The following APOOL variants were observed in gnomAD, a reference collection of about 807,000 sequenced individuals.
APOOL encodes the protein MICOS complex subunit MIC27.
Under a neutral mutation model 23.1 loss-of-function variants are expected in APOOL, and 12 were observed. That is an observed-to-expected ratio of 0.52 (90% confidence interval 0.33 to 0.84). APOOL has a LOEUF of 0.84. APOOL is among the 40% of genes least tolerant of loss of function. The probability of loss-of-function intolerance (pLI) is 0.02; values close to 1 mark genes in which losing one functional copy is unlikely to be tolerated. For missense variants in APOOL, 212 were observed against 199.6 expected, an observed-to-expected ratio of 1.06 and a Z score of -0.37; for synonymous variants, 77 against 69.9, an observed-to-expected ratio of 1.10 and a Z score of -0.51.
At chrX:85,021,761 C>A (rs1426091610) in intron 1 of APOOL, among the ~76,000 whole-genome samples, 1 of 111,479 alleles carries the variant, frequency 9.0e-6, no homozygotes, top group Admixed American at 9.6e-5. Flanking sequence ...AAGATCAGAG[C>A]ACAAATAAAT....
intron 5 of APOOL, among the ~76,000 whole-genome samples, chrX:85,065,914 C>CT (rs1465515051): frequency 9.0e-6 from 1 of 111,044 alleles, no homozygotes; most frequent in Non-Finnish European, 1.9e-5. Flanking sequence ...TTCTGCATAC[C>CT]ACAAAAGTCT....
In APOOL at chrX:85,036,512, G is replaced by A. The variant is rs1922222087; in HGVS notation, c.16-9934G>A. 2.7e-5 allele frequency among the ~76,000 whole-genome samples: 3 copies of A among 110,666 alleles called. No homozygotes were observed. In the South Asian group the frequency reaches 1.2e-3, roughly 42 times the overall value. On this transcript the variant is annotated intron_variant, in intron 1 of 8. Coordinates refer to ENST00000373173, the MANE Select transcript of APOOL (RefSeq NM_198450.6). ...GGACTTCCAGTACTATATTGACTAG[G>A]CATGAAAAGAGTGCACATCCTTGTC...
At chrX:85,073,501 A>C (rs1276429247) in intron 6 of APOOL, among the ~76,000 whole-genome samples, 1 of 111,317 alleles carries the variant, frequency 9.0e-6, no homozygotes, top group Non-Finnish European at 1.9e-5. Flanking sequence ...TGGAGGAATT[A>C]GTTGATGCCT....
At chrX:85,027,841 T>C in intron 1 of APOOL, among the ~76,000 whole-genome samples, 1 of 112,088 alleles carries the variant, frequency 8.9e-6, no homozygotes. Flanking sequence ...TTTTACTAGT[T>C]TGATAGGTGT....
Position 85,090,139 on chromosome X carries a change from G to A in APOOL, c.*2461G>A, listed in dbSNP as rs1397562499. The A allele has an allele frequency of 9.0e-6, 1 of 110,770 alleles. No homozygotes were observed. The highest frequency in any genetic ancestry group is 1.9e-5 in the Non-Finnish European group (1 of 52,998). 9.1% of individuals were successfully genotyped at this position (110,770 alleles called of 1,213,427 possible). On this transcript the variant is annotated 3_prime_UTR_variant, in exon 9 of 9. Coordinates refer to ENST00000373173, the MANE Select transcript of APOOL (RefSeq NM_198450.6). ...CACAAGATGTCTGCTGTACCTCCAG[G>A]GAGCAGATACACATTCAAAGTAGGA...
At chrX:85,034,949 A>C (rs748239436) in intron 1 of APOOL, among the ~76,000 whole-genome samples, 1 of 111,998 alleles carries the variant, frequency 8.9e-6, no homozygotes, top group Non-Finnish European at 1.9e-5. Flanking sequence ...ATGGTAAAAT[A>C]ATTTATATTC....
intron 1 of APOOL, among the ~76,000 whole-genome samples, chrX:85,016,064 T>C (rs1433183970): frequency 9.1e-6 from 1 of 110,324 alleles, no homozygotes; most frequent in African/African-American, 3.3e-5. Context: ...CTTTTGAAGG[T>C]TATCTCATTC....
intron 8 of APOOL, among the ~76,000 whole-genome samples, chrX:85,075,127 C>T (rs1923795177): frequency 9.0e-6 from 1 of 110,645 alleles, no homozygotes; most frequent in Admixed American, 9.8e-5. Flanking sequence ...GCTAAGTTGT[C>T]TTATTGCAAA....
intron 5 of APOOL, 98 bp downstream of exon 5, chrX:85,056,023 C>A: frequency 1.8e-6 from 1 of 547,081 alleles, no homozygotes; most frequent in Non-Finnish European, 2.8e-6. Context: ...TGAATATTAT[C>A]TGGATAGGCT....
intron 6 of APOOL, among the ~76,000 whole-genome samples, chrX:85,068,950 T>C (rs1923567593): frequency 9.0e-6 from 1 of 111,574 alleles, no homozygotes; most frequent in South Asian, 3.7e-4. Flanking sequence ...GATCATAGTA[T>C]GTGTCTTATT....
rs967164244 is a variant in APOOL, at chrX:85,092,769, A to G, written c.*5091A>G. ...CTTTAAAGCCCTCTTTAAAATCTCA[A>G]AACTGATTTGCAAAGCCTTTATCAT... is the stretch of plus-strand genomic sequence containing the variant. On this transcript the variant is annotated 3_prime_UTR_variant, in exon 9 of 9. Transcript: ENST00000373173. The G allele has an allele frequency of 9.8e-5, 37 of 377,666 alleles. No individual in the cohort carries two copies. Among genetic ancestry groups the G allele is most frequent in the African/African-American group, 8.6e-4 (34 of 39,527 alleles). 31.1% of individuals were successfully genotyped at this position (377,666 alleles called of 1,213,427 possible). A position where few individuals can be genotyped will look rare whatever the true frequency, so the allele number is the denominator to read the frequency against.
chrX:85,012,634 G>A (rs1001900492), intron 1 of APOOL, among the ~76,000 whole-genome samples: 1 of 111,503 alleles, frequency 9.0e-6, no homozygotes, highest in Non-Finnish European at 1.9e-5. Context: ...TTTTAATTCC[G>A]TTTATGTGAT....
At chrX:85,085,139 G>T (rs1435506211) in intron 8 of APOOL, among the ~76,000 whole-genome samples, 1 of 111,523 alleles carries the variant, frequency 9.0e-6, no homozygotes, top group Non-Finnish European at 1.9e-5. Context: ...TCTAACAATA[G>T]GTCTAATAAC....
intron 3 of APOOL, among the ~76,000 whole-genome samples, chrX:85,052,393 A>G (rs1265418275): frequency 9.0e-6 from 1 of 111,727 alleles, no homozygotes; most frequent in Non-Finnish European, 1.9e-5. Flanking sequence ...TTTCATTATC[A>G]TCACATAAAC....
intron 1 of APOOL, among the ~76,000 whole-genome samples, chrX:85,039,630 T>C (rs990522875): frequency 2.9e-4 from 32 of 111,804 alleles, no homozygotes; most frequent in Admixed American, 1.8e-3. Flanking sequence ...TATTGTTAAG[T>C]CTTCTTGAAC....
intron 1 of APOOL, among the ~76,000 whole-genome samples, chrX:85,016,626 G>A (rs886341618): frequency 1.1e-5 from 1 of 92,150 alleles, no homozygotes; most frequent in African/African-American, 3.8e-5. Flanking sequence ...CTGCGTTCCT[G>A]TTGGGGAAGC....
At position 85,089,276 on chromosome X, in the gene APOOL, G is replaced by A. The variant is rs1197136220; in HGVS notation, c.*1598G>A. 2 of 111,176 alleles carry A rather than the reference G, an allele frequency of 1.8e-5. No homozygotes were observed. Among genetic ancestry groups the A allele is most frequent in the Non-Finnish European group, 3.8e-5 (2 of 53,054 alleles). 9.2% of individuals were successfully genotyped at this position (111,176 alleles called of 1,213,427 possible). On this transcript the variant is annotated 3_prime_UTR_variant, in exon 9 of 9. Coordinates refer to ENST00000373173, the MANE Select transcript of APOOL (RefSeq NM_198450.6). ...CACCCGCCACCATGCCTAATTTTTT[G>A]TATTTTTGGTAGTGACAGGGTTTCA...
At chrX:85,071,524 A>T (rs894184379) in intron 6 of APOOL, among the ~76,000 whole-genome samples, 1 of 110,772 alleles carries the variant, frequency 9.0e-6, no homozygotes, top group African/African-American at 3.3e-5. Context: ...TGGGAAAACT[A>T]ATTCTAGGTG....
intron 1 of APOOL, among the ~76,000 whole-genome samples, chrX:85,030,486 T>C (rs964723348): frequency 8.9e-6 from 1 of 111,767 alleles, no homozygotes; most frequent in Admixed American, 9.5e-5. Flanking sequence ...AAACCACTTG[T>C]ACCCCAAAAG....
Sources: gnomAD v4.1 joint callset for allele counts (sites outside exome capture counted in the v4.1 genomes callset) on GRCh38, gnomAD v4.1.1 for gene constraint, MANE v1.5 for transcripts, NCBI Gene and HGNC (gene_info 2026-07-23, HGNC 2026-07-21) for gene names.